Variants in FGGY observed in about 807,000 individuals in gnomAD.
FGGY encodes FGGY carbohydrate kinase domain-containing protein.
FGGY carries 72 observed loss-of-function variants against 71.3 expected under a neutral mutation model. The observed-to-expected ratio is 1.01, with a 90% CI of 0.84 to 1.23. FGGY has a LOEUF of 1.23. FGGY is among the 50% of genes most tolerant of loss of function. The pLI, the probability that FGGY is intolerant of heterozygous loss-of-function variation, is 0.00. For synonymous variants in FGGY, 251 were observed against 250.3 expected (o/e 1.00, Z -0.02); for missense variants, 668 against 682.3 (o/e 0.98, Z 0.23).
chr1:59,484,072 GTACCA>G (rs1292755135), intron 6 of FGGY, among the ~76,000 whole-genome samples: 1 of 152,146 alleles, frequency 6.6e-6, no homozygotes, highest in African/African-American at 2.4e-5. Context: ...TGAGGTACAG[GTACCA>G]TTATTATCTT....
intron 6 of FGGY, among the ~76,000 whole-genome samples, chr1:59,477,330 C>CTT (rs2093307427): frequency 6.6e-6 from 1 of 152,140 alleles, no homozygotes; most frequent in African/African-American, 2.4e-5. Flanking sequence ...TACCCATGAC[C>CTT]TTTTAAGTTT....
chr1:59,307,039 G>A (rs2043540410), intron 1 of FGGY, among the ~76,000 whole-genome samples: 1 of 152,166 alleles, frequency 6.6e-6, no homozygotes. Flanking sequence ...ATGAGGCCAA[G>A]CACGGTGGCT....
chr1:59,409,914 C>T (rs967254496), intron 5 of FGGY, among the ~76,000 whole-genome samples: 1 of 152,050 alleles, frequency 6.6e-6, no homozygotes, highest in African/African-American at 2.4e-5. Context: ...AGGTGTATTA[C>T]CTCCATTTTA....
chr1:59,621,880 G>A (rs1371024137), intron 9 of FGGY, among the ~76,000 whole-genome samples: 1 of 150,948 alleles, frequency 6.6e-6, no homozygotes, highest in Admixed American at 6.6e-5. Flanking sequence ...TTTTTTGTTT[G>A]TTTCTTCTCC....
At chr1:59,643,659 T>A (rs1322932361) in intron 11 of FGGY, among the ~76,000 whole-genome samples, 1 of 152,092 alleles carries the variant, frequency 6.6e-6, no homozygotes, top group Non-Finnish European at 1.5e-5. Flanking sequence ...TTGAAAGCAA[T>A]AGGGAGTATA....
At chr1:59,691,430 TG>T (rs1428419561) in intron 14 of FGGY, among the ~76,000 whole-genome samples, 1 of 152,022 alleles carries the variant, frequency 6.6e-6, no homozygotes, top group Non-Finnish European at 1.5e-5. Context: ...CTAAAGCCTC[TG>T]GGCCTCATTC....
At chr1:59,674,216 A>G in intron 14 of FGGY, 83 bp downstream of exon 14, 1 of 945,872 alleles carries the variant, frequency 1.1e-6, no homozygotes, top group South Asian at 1.4e-5. Flanking sequence ...GCATTTTACA[A>G]AATACACACA....
intron 6 of FGGY, among the ~76,000 whole-genome samples, chr1:59,506,880 A>G (rs568940020): frequency 4.0e-4 from 61 of 152,338 alleles, no homozygotes; most frequent in African/African-American, 1.4e-3. Context: ...GAAATCACTC[A>G]TAATTCCTCC....
At chr1:59,439,820 A>C (rs1370787137) in intron 5 of FGGY, among the ~76,000 whole-genome samples, 2 of 152,134 alleles carry the variant, frequency 1.3e-5, no homozygotes, top group African/African-American at 4.8e-5. Context: ...AAACCATTGA[A>C]TACTACTCTC....
At chr1:59,533,032 G>C (rs377269783) in intron 7 of FGGY, among the ~76,000 whole-genome samples, 3 of 152,160 alleles carry the variant, frequency 2.0e-5, no homozygotes, top group Non-Finnish European at 4.4e-5. Flanking sequence ...AACAGCTCCC[G>C]TCTACAGCTC....
At chr1:59,499,919 A>ATG (rs1478574253) in intron 6 of FGGY, among the ~76,000 whole-genome samples, 3 of 151,706 alleles carry the variant, frequency 2.0e-5, no homozygotes, top group Admixed American at 1.3e-4. Flanking sequence ...ATATATATGT[A>ATG]TGTGTGTGTG....
At chr1:59,539,099 A>G (rs1453053757) in intron 7 of FGGY, among the ~76,000 whole-genome samples, 1 of 152,222 alleles carries the variant, frequency 6.6e-6, no homozygotes, top group Non-Finnish European at 1.5e-5. Flanking sequence ...GCAGAAAGGT[A>G]TAAAACATTG....
chr1:59,623,137 T>C (rs2096825990), intron 9 of FGGY, among the ~76,000 whole-genome samples: 1 of 152,126 alleles, frequency 6.6e-6, no homozygotes, highest in African/African-American at 2.4e-5. Flanking sequence ...ATCTGTGCCT[T>C]ATATTCCCAT....
chr1:59,466,882 G>T (rs528908879), intron 6 of FGGY, among the ~76,000 whole-genome samples: 7 of 152,250 alleles, frequency 4.6e-5, no homozygotes, highest in African/African-American at 1.7e-4. Context: ...GGACAAATAG[G>T]AACACTTTTA....
chr1:59,591,543 A>G (rs902703935), intron 8 of FGGY, among the ~76,000 whole-genome samples: 1 of 152,246 alleles, frequency 6.6e-6, no homozygotes, highest in African/African-American at 2.4e-5. Context: ...AAACTATACT[A>G]CAAGGCTACA....
chr1:59,497,240 A>G (rs2094065412), intron 6 of FGGY, among the ~76,000 whole-genome samples: 1 of 152,226 alleles, frequency 6.6e-6, no homozygotes. Flanking sequence ...GGAAGAGGAA[A>G]AAAAGTGCTT....
chr1:59,349,795 A>G (rs888660366), intron 4 of FGGY, among the ~76,000 whole-genome samples: 11 of 152,182 alleles, frequency 7.2e-5, no homozygotes, highest in African/African-American at 2.7e-4. Context: ...AAGCCTGACC[A>G]GGAGGGCTAT....
chr1:59,749,398 G>C (rs1443866674), intron 14 of FGGY, among the ~76,000 whole-genome samples: 1 of 152,098 alleles, frequency 6.6e-6, no homozygotes, highest in African/African-American at 2.4e-5. Context: ...TGAAGCTGTG[G>C]GGTCTGACAC....
At chr1:59,360,728 C>G (rs2055334242) in intron 4 of FGGY, among the ~76,000 whole-genome samples, 1 of 152,116 alleles carries the variant, frequency 6.6e-6, no homozygotes, top group Non-Finnish European at 1.5e-5. Context: ...CATATACTTA[C>G]CTTTAGAGGC....
Sources: allele counts gnomAD v4.1 joint callset (sites outside exome capture counted in the v4.1 genomes callset), GRCh38; gene constraint gnomAD v4.1.1; transcripts MANE v1.5; gene names NCBI Gene and HGNC (gene_info 2026-07-23, HGNC 2026-07-21).